Variants in BRIP1 observed in about 807,000 individuals in gnomAD.
The protein encoded by BRIP1 is BRCA1 interacting DNA helicase 1.
In BRIP1, 88 loss-of-function variants were observed where a neutral mutation model predicts 119.7. The observed-to-expected ratio is 0.74, with a 90% CI of 0.62 to 0.88. The LOEUF (loss-of-function observed/expected upper bound fraction) is 0.88, where lower values mean the gene tolerates loss of function less well. BRIP1 is among the 40% of genes least tolerant of loss of function. BRIP1 has a pLI of 0.00. For missense variants in BRIP1, 1,259 were observed against 1,455.4 expected, an observed-to-expected ratio of 0.87 and a Z score of 2.20; for synonymous variants, 443 against 496.5, an observed-to-expected ratio of 0.89 and a Z score of 1.43.
intron 4 of BRIP1, among the ~76,000 whole-genome samples, chr17:61,854,702 C>G (rs1313391831): frequency 1.2e-5 from 1 of 82,292 alleles, no homozygotes; most frequent in African/African-American, 4.2e-5. Context: ...GACTCCGTCT[C>G]AAAAAAAAAA....
chr17:61,817,803 C>T (rs1359087810), intron 6 of BRIP1, among the ~76,000 whole-genome samples: 1 of 152,040 alleles, frequency 6.6e-6, no homozygotes, highest in East Asian at 1.9e-4. Flanking sequence ...AAATTCTCTT[C>T]GTAAATTCAA....
chr17:61,683,785 A>T lies in BRIP1; in HGVS notation c.3261T>A (p.Asn1087Lys). The T allele has an allele frequency of 6.2e-7, 1 of 1,614,132 alleles. No individual in the cohort carries two copies. The highest frequency in any genetic ancestry group is 8.5e-7 in the Non-Finnish European group (1 of 1,180,028). Residue 1087 changes from asparagine to lysine, a missense_variant, in exon 20 of 20, where the codon AAT becomes AAA. Physicochemically the swap from Asn to Lys is moderately conservative, Grantham distance 94. Coordinates refer to ENST00000259008, the MANE Select transcript of BRIP1 (RefSeq NM_032043.3). This position sits in a 1 kb window ranked among gnomAD's most constrained non-coding sequence, Gnocchi z 4.7. ...CAGAACAGAGCGGATGTTCAGAATGATTTTTTCTAGTAAGGGTGGCATCAA... is the reference window on the plus strand; with the variant it reads ...CAGAACAGAGCGGATGTTCAGAATGTTTTTTTCTAGTAAGGGTGGCATCAA... ...LKIDATLTRK[N>K]HSEHPLCSEE...
In BRIP1 at chr17:61,775,743, A is replaced by G. The variant is rs2077522380; in HGVS notation, c.2097+658T>C. The G allele has an allele frequency of 6.6e-6, 1 of 152,224 alleles. No individual in the cohort carries two copies. The highest frequency in any genetic ancestry group is 1.5e-5 in the Non-Finnish European group (1 of 68,032). 9.4% of individuals were successfully genotyped at this position (152,224 alleles called of 1,614,324 possible). ...TTAGATTAACTTTAATGAAACCTTC[A>G]GAAATGTAATTTATGAAAATAAAAA... On this transcript the variant is annotated intron_variant, in intron 14 of 19. Transcript: ENST00000259008. The surrounding 1 kb of genome is among the most constrained non-coding windows in gnomAD (Gnocchi z 4.4).
Position 61,684,259 on chromosome 17 carries a change from C to G in BRIP1, c.2906-119G>C, listed in dbSNP as rs1330420295. The G allele has an allele frequency of 1.7e-6, 2 of 1,154,344 alleles. No homozygotes were observed. Among genetic ancestry groups the G allele is most frequent in the South Asian group, 1.6e-5 (1 of 63,294 alleles). The allele number at this position is 1,154,344 out of a possible 1,614,324, so 71.5% of individuals were successfully genotyped here. A position where few individuals can be genotyped will look rare whatever the true frequency, so the allele number is the denominator to read the frequency against. On this transcript the variant is annotated intron_variant, in intron 19 of 19. Coordinates refer to ENST00000259008, the MANE Select transcript of BRIP1 (RefSeq NM_032043.3). This position sits in a 1 kb window ranked among gnomAD's most constrained non-coding sequence, Gnocchi z 4.5. ...ACTGTATAGGATACATAACTTAGAGCCCCCAACGAATACTAGTGGATTTTC... is the reference window on the plus strand; with the variant it reads ...ACTGTATAGGATACATAACTTAGAGGCCCCAACGAATACTAGTGGATTTTC...
rs1024699121 is a variant in BRIP1 at position 61,706,327 on chromosome 17, T to C, written c.2492+9624A>G. On this transcript the variant is annotated intron_variant, in intron 17 of 19. Coordinates refer to ENST00000259008, the MANE Select transcript of BRIP1 (RefSeq NM_032043.3). The surrounding 1 kb of genome is among the most constrained non-coding windows in gnomAD (Gnocchi z 5.7). ...AAACAGCTACTCCACATATTCTGTC[T>C]AGGTTTTTTAGACTACTAAATATGC... is the stretch of plus-strand genomic sequence containing the variant. Among the ~76,000 whole-genome samples the C allele has an allele frequency of 2.0e-5, 3 of 152,210 alleles. No individual in the cohort carries two copies. Among genetic ancestry groups the C allele is most frequent in the African/African-American group, 7.2e-5 (3 of 41,464 alleles).
At position 61,856,946 on chromosome 17, in the gene BRIP1, A is replaced by C; in HGVS notation, c.379+112T>G. The stretch of plus-strand genomic sequence containing the variant: ...TAAAATCATTCCAGAGAAACTAGAT[A>C]GAGATATATAATCAGTTATGCTAAC... On this transcript the variant is annotated intron_variant, in intron 4 of 19. Coordinates refer to ENST00000259008, the MANE Select transcript of BRIP1 (RefSeq NM_032043.3). The surrounding 1 kb of genome is among the most constrained non-coding windows in gnomAD (Gnocchi z 5.1). The C allele has an allele frequency of 1.3e-5, 13 of 1,020,904 alleles. No homozygotes were observed. Among genetic ancestry groups the C allele is most frequent in the Non-Finnish European group, 1.8e-5 (12 of 652,678 alleles). The allele number at this position is 1,020,904 out of a possible 1,614,324, so 63.2% of individuals were successfully genotyped here.
In BRIP1 at chr17:61,684,272, C is replaced by G; in HGVS notation, c.2906-132G>C. ...CATAACTTAGAGCCCCCAACGAATA[C>G]TAGTGGATTTTCATCTTGGAACAGA... On this transcript the variant is annotated intron_variant, in intron 19 of 19. Transcript: ENST00000259008. This position sits in a 1 kb window ranked among gnomAD's most constrained non-coding sequence, Gnocchi z 4.5. 2 of 1,018,992 alleles carry G rather than the reference C, an allele frequency of 2.0e-6. No individual in the cohort carries two copies. Among genetic ancestry groups the G allele is most frequent in the East Asian group, 2.6e-5 (1 of 38,138 alleles). 63.1% of individuals were successfully genotyped at this position (1,018,992 alleles called of 1,614,324 possible). A position where few individuals can be genotyped will look rare whatever the true frequency, so the allele number is the denominator to read the frequency against.
rs2078203569 is a variant in BRIP1 at position 61,814,093 on chromosome 17, A to C, written c.628-5336T>G. Among the ~76,000 whole-genome samples the C allele has an allele frequency of 6.6e-6, 1 of 152,130 alleles. No homozygotes were observed. The highest frequency in any genetic ancestry group is 2.4e-5 in the African/African-American group (1 of 41,468). ...CAAACTTTCAATTAATAGACTCTTTAGAGCAAGAGTCAGCAAAAGAGCCAG... is the reference window on the plus strand; with the variant it reads ...CAAACTTTCAATTAATAGACTCTTTCGAGCAAGAGTCAGCAAAAGAGCCAG... On this transcript the variant is annotated intron_variant, in intron 6 of 19. Coordinates refer to ENST00000259008, the MANE Select transcript of BRIP1 (RefSeq NM_032043.3). This position sits in a 1 kb window ranked among gnomAD's most constrained non-coding sequence, Gnocchi z 4.9.
In BRIP1 at chr17:61,710,089, T is replaced by A. The variant is rs533545125; in HGVS notation, c.2492+5862A>T. Among the ~76,000 whole-genome samples the A allele has an allele frequency of 9.9e-4, 151 of 152,272 alleles. No individual in the cohort carries two copies. Among genetic ancestry groups the A allele is most frequent in the African/African-American group, 3.3e-3 (139 of 41,574 alleles). Reference sequence around the variant, plus strand: ...TTATTGATTGGTTTTAAAGGGTAAGTTCCTTTGTAACAAATTATTAATTAT... The same window carrying A: ...TTATTGATTGGTTTTAAAGGGTAAGATCCTTTGTAACAAATTATTAATTAT... On this transcript the variant is annotated intron_variant, in intron 17 of 19. Transcript: ENST00000259008. This position sits in a 1 kb window ranked among gnomAD's most constrained non-coding sequence, Gnocchi z 5.4.
Position 61,775,430 on chromosome 17 carries a change from T to C in BRIP1, c.2097+971A>G, listed in dbSNP as rs1182187216. Reference sequence around the variant, plus strand: ...AAGTATCAATATTGTCATTCAAATATATTACTTCCAAATGCTTCTGTCCTT... The same window carrying C: ...AAGTATCAATATTGTCATTCAAATACATTACTTCCAAATGCTTCTGTCCTT... On this transcript the variant is annotated intron_variant, in intron 14 of 19. Transcript: ENST00000259008. The surrounding 1 kb of genome is among the most constrained non-coding windows in gnomAD (Gnocchi z 4.4). Among the ~76,000 whole-genome samples, 1 of 152,144 alleles carries C rather than the reference T, an allele frequency of 6.6e-6. No homozygotes were observed. The highest frequency in any genetic ancestry group is 1.5e-5 in the Non-Finnish European group (1 of 68,012).
intron 14 of BRIP1, among the ~76,000 whole-genome samples, chr17:61,773,642 C>CGCCT (rs774735410): frequency 4.0e-5 from 6 of 151,796 alleles, no homozygotes; most frequent in Non-Finnish European, 8.8e-5. Flanking sequence ...ATTCTGTAGG[C>CGCCT]TCCCATCCCT....
At position 61,686,560 on chromosome 17, in the gene BRIP1, C is replaced by G. The variant is rs1322288445; in HGVS notation, c.2576-395G>C. 1.3e-5 allele frequency among the ~76,000 whole-genome samples: 2 copies of G among 151,722 alleles called. No homozygotes were observed. Among genetic ancestry groups the G allele is most frequent in the Non-Finnish European group, 2.9e-5 (2 of 67,920 alleles). On this transcript the variant is annotated intron_variant, in intron 18 of 19. Transcript: ENST00000259008. This position sits in a 1 kb window ranked among gnomAD's most constrained non-coding sequence, Gnocchi z 5.4. ...CAATACAACTTTCCATTCTAATATT[C>G]TAAATTTTACTCCTTTTGCAAAAAT...
At position 61,853,309 on chromosome 17, in the gene BRIP1, G is replaced by A. The variant is rs555269834; in HGVS notation, c.379+3749C>T. On this transcript the variant is annotated intron_variant, in intron 4 of 19. Transcript: ENST00000259008. The surrounding 1 kb of genome is among the most constrained non-coding windows in gnomAD (Gnocchi z 4.3). Reference sequence around the variant, plus strand: ...CTCATCAATGGTCACAGGAGGACAAGAATTACCTATGGAAAGAAGGGACAG... The same window carrying A: ...CTCATCAATGGTCACAGGAGGACAAAAATTACCTATGGAAAGAAGGGACAG... Among the ~76,000 whole-genome samples, 33 of 151,060 alleles carry A rather than the reference G, an allele frequency of 2.2e-4. No homozygotes were observed. The highest frequency in any genetic ancestry group is 7.8e-4 in the African/African-American group (32 of 41,202).
Position 61,716,042 on chromosome 17 carries a change from T to G in BRIP1, c.2401A>C (p.Asn801His), listed in dbSNP as rs1408016407. The G allele has an allele frequency of 6.2e-7, 1 of 1,601,926 alleles. No individual in the cohort carries two copies. Among genetic ancestry groups the G allele is most frequent in the Non-Finnish European group, 8.5e-7 (1 of 1,173,412 alleles). Residue 801 changes from asparagine (N) to histidine (H), a missense_variant, in exon 17 of 20, where the codon AAT (asparagine) becomes CAT (histidine). This residue lies in a region of BRIP1 where 753 missense variants were observed against 891.8 expected (regional missense o/e 0.84). Transcript: ENST00000259008. Reference protein sequence around the residue: ...DLQVELKRQYNDHHSKLRGLL... With the variant: ...DLQVELKRQYHDHHSKLRGLL... Reference sequence around the variant, plus strand: ...CCTCTCAATTTTGAATGGTGGTCATTGTATTGTCGTTTTAGTTCAACCTAA... The same window carrying G: ...CCTCTCAATTTTGAATGGTGGTCATGGTATTGTCGTTTTAGTTCAACCTAA...
Position 61,832,102 on chromosome 17 carries a change from G to C in BRIP1, c.627+14999C>G, listed in dbSNP as rs2078501719. The stretch of plus-strand genomic sequence containing the variant: ...TTCAAATGTTATTTTTCACTAAATG[G>C]AACCAGGGTTCCTTGGAGAAATGTC... On this transcript the variant is annotated intron_variant, in intron 6 of 19. Coordinates refer to ENST00000259008, the MANE Select transcript of BRIP1 (RefSeq NM_032043.3). This position sits in a 1 kb window ranked among gnomAD's most constrained non-coding sequence, Gnocchi z 5.5. 6.6e-6 allele frequency among the ~76,000 whole-genome samples: 1 copy of C among 152,162 alleles called. No individual in the cohort carries two copies. The highest frequency in any genetic ancestry group is 1.5e-5 in the Non-Finnish European group (1 of 68,016).
chr17:61,776,552 C>T lies in BRIP1; in HGVS notation c.1946G>A (p.Gly649Asp), dbSNP rs746066323. The change falls in exon 14 of 20, where the codon GGT (glycine) becomes GAT (aspartate). Residue 649 changes from glycine (G) to aspartate (D), a missense_variant. Physicochemically the swap from Gly to Asp is moderately conservative, Grantham distance 94 (BLOSUM62 -1). Transcript: ENST00000259008. This position sits in a 1 kb window ranked among gnomAD's most constrained non-coding sequence, Gnocchi z 5.0. ...ACCCTTGGGGCCTGACCCAATGGTA[C>T]CAACCCAAACCTAGAATATGAATAT... is the stretch of plus-strand genomic sequence containing the variant. ...HIIKNSQVWV[G>D]TIGSGPKGRN... The T allele has an allele frequency of 1.9e-6, 3 of 1,613,848 alleles. No individual in the cohort carries two copies. The highest frequency in any genetic ancestry group is 1.1e-5 in the South Asian group (1 of 91,082).
chr17:61,855,578 CAAAAA>C (rs200850712), intron 4 of BRIP1, among the ~76,000 whole-genome samples: 1 of 99,374 alleles, frequency 1.0e-5, no homozygotes, highest in Admixed American at 1.0e-4. Flanking sequence ...GATTCTGTCT[CAAAAA>C]AAAAAAAAAA....
chr17:61,850,269 A>C (rs999318216), intron 4 of BRIP1, among the ~76,000 whole-genome samples: 1 of 151,638 alleles, frequency 6.6e-6, no homozygotes, highest in African/African-American at 2.4e-5. Flanking sequence ...CGCCTGGCTA[A>C]TTTTGTATTT....
chr17:61,787,937 C>A (rs571719652), intron 10 of BRIP1, among the ~76,000 whole-genome samples: 18 of 152,154 alleles, frequency 1.2e-4, no homozygotes, highest in Non-Finnish European at 2.5e-4. Context: ...AGCCACTGCG[C>A]CTGGCCCAGG....
Sources: gnomAD v4.1 joint callset for allele counts (sites outside exome capture counted in the v4.1 genomes callset) on GRCh38, gnomAD v4.1.1 for gene constraint, gnomAD v4.1.1 regional missense constraint, Gnocchi (gnomAD v3.1) non-coding constraint, MANE v1.5 for transcripts, NCBI Gene and HGNC (gene_info 2026-07-23, HGNC 2026-07-21) for gene names.